Variants in NTRK1 observed in about 807,000 individuals in gnomAD.
NTRK1 encodes the protein high affinity nerve growth factor receptor.
Under a neutral mutation model 86.8 loss-of-function variants are expected in NTRK1, and 62 were observed. The ratio of observed to expected loss-of-function variants is 0.71; its 90% confidence interval spans 0.58 to 0.88. The LOEUF (loss-of-function observed/expected upper bound fraction) is 0.88, where lower values mean the gene tolerates loss of function less well. Ranked by LOEUF, NTRK1 falls within the 40% of genes least tolerant of loss-of-function variation. The pLI is 0.00. For synonymous variants in NTRK1, 469 were observed against 456.6 expected, an observed-to-expected ratio of 1.03 and a Z score of -0.35; for missense variants, 967 against 1,078.4, an observed-to-expected ratio of 0.90 and a Z score of 1.45.
upstream of NTRK1, chr1:156,858,527 G>A (rs1192788272): frequency 6.2e-7 from 1 of 1,611,214 alleles, no homozygotes; most frequent in Non-Finnish European, 8.5e-7. Flanking sequence ...AGCCAGTTCT[G>A]GGGACTCACC....
chr1:156,860,196 C>CA, upstream of NTRK1, among the ~76,000 whole-genome samples: 1 of 152,314 alleles, frequency 6.6e-6, no homozygotes, highest in East Asian at 1.9e-4. Flanking sequence ...CTGGGGGCTG[C>CA]AGATCGCACC....
chr1:156,865,044 T>G (rs1256755448), intron 3 of NTRK1: 3 of 576,592 alleles, frequency 5.2e-6, no homozygotes, highest in Non-Finnish European at 9.5e-6. Context: ...ACACTTCTCA[T>G]AGGTGCCTGC....
Position 156,844,029 on chromosome 1 carries a change from T to A in NTRK1, c.50+1836T>A. ...AGTTGGTCACCCTAACTGAGAGGTA[T>A]GTTTCCTCTGTGCCACCGCAGGGGA... On this transcript the variant is annotated intron_variant, in intron 2 of 16. Transcript: ENST00000392302. 4.7e-6 allele frequency: 3 copies of A among 631,600 alleles called. No individual in the cohort carries two copies. In the South Asian group the frequency reaches 5.7e-5, roughly 12 times the overall value. The allele number at this position is 631,600 out of a possible 1,614,324, so 39.1% of individuals were successfully genotyped here. A position where few individuals can be genotyped will look rare whatever the true frequency, so the allele number is the denominator to read the frequency against.
In NTRK1 at chr1:156,841,171, C is replaced by T. The variant is rs1654766453; in HGVS notation, c.-63-910C>T. 1.4e-5 allele frequency: 18 copies of T among 1,272,506 alleles called. 1 individual carries two copies. In the South Asian group the frequency reaches 2.3e-4, roughly 16 times the overall value. 78.8% of individuals were successfully genotyped at this position (1,272,506 alleles called of 1,614,324 possible). On this transcript the variant is annotated intron_variant, in intron 1 of 16. Transcript: ENST00000392302. ...CCTGCCACGCTCTCAGCCTCCTGCACTGAGGGTCAGTTGGTGGGAGTGGGG... is the reference window on the plus strand; with the variant it reads ...CCTGCCACGCTCTCAGCCTCCTGCATTGAGGGTCAGTTGGTGGGAGTGGGG...
chr1:156,874,708 G>C (rs1430205386), intron 10 of NTRK1, 82 bp downstream of exon 10: 2 of 1,441,136 alleles, frequency 1.4e-6, no homozygotes, highest in Non-Finnish European at 1.9e-6. Context: ...TTTCTGGTCA[G>C]AGCAGGGAGA....
intron 7 of NTRK1, among the ~76,000 whole-genome samples, chr1:156,873,356 C>CA (rs1647680364): frequency 6.6e-6 from 1 of 152,132 alleles, no homozygotes; most frequent in African/African-American, 2.4e-5. Flanking sequence ...GCTGATACCC[C>CA]ACTCCTGTGG....
At chr1:156,844,699 GCACCTACC>G (rs1654926366) in intron 2 of NTRK1, 1 of 1,614,040 alleles carries the variant, frequency 6.2e-7, no homozygotes, top group Non-Finnish European at 8.5e-7. Flanking sequence ...GGTCCCACGG[GCACCTACC>G]TCTCCCAAGC....
At chr1:156,826,316 T>TTTC (rs869276852) in intron 1 of NTRK1, among the ~76,000 whole-genome samples, 6 of 135,802 alleles carry the variant, frequency 4.4e-5, no homozygotes, top group South Asian at 2.3e-4. Context: ...TTTTTTTTTT[T>TTTC]CTGAGATGGA....
At chr1:156,821,500 TAGGGG>T (rs1654190921) in intron 1 of NTRK1, among the ~76,000 whole-genome samples, 1 of 146,184 alleles carries the variant, frequency 6.8e-6, no homozygotes, top group African/African-American at 2.5e-5. Context: ...TGTGTATGTG[TAGGGG>T]GTTGAGATGT....
intron 1 of NTRK1, chr1:156,837,261 C>G (rs1351898108): frequency 1.3e-5 from 2 of 152,422 alleles, no homozygotes; most frequent in Admixed American, 6.5e-5. Context: ...GCTCCCCAAG[C>G]ACCCTTCACT....
chr1:156,843,232 C>G (rs533493641), intron 2 of NTRK1: 1 of 1,613,916 alleles, frequency 6.2e-7, no homozygotes, highest in Admixed American at 1.7e-5. Context: ...CAGGGACATA[C>G]ACTGCAAGGA....
chr1:156,848,928 T>A, intron 2 of NTRK1: 1 of 1,575,442 alleles, frequency 6.3e-7, no homozygotes, highest in South Asian at 1.2e-5. Context: ...CACGACTCCT[T>A]GTAGTACACG....
At chr1:156,829,298 A>G (rs759608567) in intron 1 of NTRK1, among the ~76,000 whole-genome samples, 2 of 152,132 alleles carry the variant, frequency 1.3e-5, no homozygotes, top group Non-Finnish European at 2.9e-5. Context: ...GGGTGCCACC[A>G]CCTAGAGCAC....
At chr1:156,861,295 T>C (rs1464202950) in intron 1 of NTRK1, 149 bp downstream of exon 1, 6 of 889,144 alleles carry the variant, frequency 6.7e-6, no homozygotes, top group Middle Eastern at 3.5e-4. Context: ...GCCCGGGCGT[T>C]CCTCCGCAGC....
intron 2 of NTRK1, chr1:156,846,384 G>T: frequency 1.3e-6 from 1 of 791,182 alleles, no homozygotes; most frequent in Non-Finnish European, 2.0e-6. Context: ...TTCTTTCTAG[G>T]ACTCAAGCAT....
chr1:156,853,664 T>C, intron 2 of NTRK1: 1 of 1,288,916 alleles, frequency 7.8e-7, no homozygotes, highest in Non-Finnish European at 1.1e-6. Context: ...CAGCTGAAAG[T>C]ACTGACCCAC....
At chr1:156,878,777 G>A (rs1440363364) in intron 14 of NTRK1, among the ~76,000 whole-genome samples, 1 of 152,214 alleles carries the variant, frequency 6.6e-6, no homozygotes, top group Non-Finnish European at 1.5e-5. Flanking sequence ...GCAGGGGCAG[G>A]CTTGGGGAAA....
chr1:156,866,717 G>A (rs547995571), intron 3 of NTRK1, among the ~76,000 whole-genome samples, 193 bp from the exon 4 acceptor site: 1 of 152,142 alleles, frequency 6.6e-6, no homozygotes, highest in Non-Finnish European at 1.5e-5. Context: ...GAAAGGAGTG[G>A]GACTCAGAAA....
chr1:156,816,830 T>C (rs1653996286), intron 1 of NTRK1: 5 of 902,432 alleles, frequency 5.5e-6, no homozygotes, highest in Middle Eastern at 2.3e-4. Context: ...AATGTCGCCT[T>C]ACCCACAGCC....
Sources: allele counts gnomAD v4.1 joint callset (sites outside exome capture counted in the v4.1 genomes callset), GRCh38; gene constraint gnomAD v4.1.1; transcripts MANE v1.5; gene names NCBI Gene and HGNC (gene_info 2026-07-23, HGNC 2026-07-21).